DOCK3: variants seen among roughly 807,000 people sequenced by gnomAD.
The protein encoded by DOCK3 is dedicator of cytokinesis protein 3.
Under a neutral mutation model 265.6 loss-of-function variants are expected in DOCK3, and 60 were observed. That is an observed-to-expected ratio of 0.23 (90% CI 0.18 to 0.28). DOCK3 has a LOEUF of 0.28. Among genes scored for constraint, DOCK3 ranks in the 10% least tolerant of loss-of-function variants. The pLI is 1.00. For missense variants in DOCK3, 1,981 were observed against 2,594.3 expected (o/e 0.76, Z 5.14); for synonymous variants, 881 against 938.0 (o/e 0.94, Z 1.11).
chr3:50,977,730 G>A (rs1298261390), intron 5 of DOCK3, among the ~76,000 whole-genome samples: 1 of 152,070 alleles, frequency 6.6e-6, no homozygotes, highest in African/African-American at 2.4e-5. Flanking sequence ...AAAATATCCT[G>A]CAGAGTGTTT....
intron 5 of DOCK3, among the ~76,000 whole-genome samples, chr3:51,043,172 AC>A (rs2080608835): frequency 6.6e-6 from 1 of 152,320 alleles, no homozygotes; most frequent in Non-Finnish European, 1.5e-5. Context: ...GCATCACACT[AC>A]CTGACTCCAA....
At chr3:50,784,397 G>T (rs911885490) in intron 2 of DOCK3, among the ~76,000 whole-genome samples, 4 of 152,164 alleles carry the variant, frequency 2.6e-5, no homozygotes, top group Non-Finnish European at 5.9e-5. Flanking sequence ...GTACCATGCT[G>T]TTTTGGTGAC....
At chr3:51,208,720 C>A in intron 12 of DOCK3, 54 bp from the exon 13 acceptor site, 1 of 1,442,970 alleles carries the variant, frequency 6.9e-7, no homozygotes, top group Non-Finnish European at 9.6e-7. Context: ...ATTGGAACAT[C>A]AGACCAGTTG....
chr3:50,764,144 A>T (rs935747832), intron 1 of DOCK3, among the ~76,000 whole-genome samples: 7 of 151,682 alleles, frequency 4.6e-5, no homozygotes, highest in Admixed American at 2.0e-4. Context: ...TTCTTGATGG[A>T]TGGTTTCCTG....
At chr3:50,770,353 C>T (rs2041196551) in intron 1 of DOCK3, among the ~76,000 whole-genome samples, 1 of 150,972 alleles carries the variant, frequency 6.6e-6, no homozygotes, top group Admixed American at 6.6e-5. Flanking sequence ...ACAATAGTTA[C>T]ACATAAAATT....
intron 40 of DOCK3, 46 bp from the exon 41 acceptor site, chr3:51,354,836 G>T (rs1369735469): frequency 6.3e-7 from 1 of 1,591,946 alleles, no homozygotes. Flanking sequence ...GAGGTGGGGG[G>T]CTACAAGCAA....
chr3:51,211,688 A>G (rs370917631), intron 13 of DOCK3, among the ~76,000 whole-genome samples: 4 of 152,164 alleles, frequency 2.6e-5, no homozygotes, highest in African/African-American at 7.2e-5. Context: ...AAGGACATGA[A>G]CTCATCCTTT....
chr3:50,783,987 C>T (rs943922037), intron 2 of DOCK3, among the ~76,000 whole-genome samples: 1 of 151,834 alleles, frequency 6.6e-6, no homozygotes, highest in South Asian at 2.1e-4. Flanking sequence ...CCTGTCTCGA[C>T]CTCCCGAGTA....
At position 51,277,676 on chromosome 3, in the gene DOCK3, G is replaced by A. The variant is rs747148543; in HGVS notation, c.2745G>A (p.Leu915=). The change falls in exon 26 of 53, where the codon CTG becomes CTA. Residue 915 remains leucine (L), a synonymous_variant. Coordinates refer to ENST00000266037, the MANE Select transcript of DOCK3 (RefSeq NM_004947.5). ...TCCTGGACGTGCTCTTGCAGACTCT[G>A]CTCACCATCATGAGCAAATCGCACG... The part of the protein sequence containing the change: ...ESLLDVLLQT[L]LTIMSKSHAQ... 2.5e-6 allele frequency: 4 copies of A among 1,608,406 alleles called. No individual in the cohort carries two copies. The highest frequency in any genetic ancestry group is 1.1e-5 in the South Asian group (1 of 90,384).
intron 2 of DOCK3, among the ~76,000 whole-genome samples, chr3:50,833,010 G>A (rs1002931341): frequency 1.3e-5 from 2 of 152,154 alleles, no homozygotes; most frequent in African/African-American, 4.8e-5. Context: ...CCACAGTAAA[G>A]CAAAGTAAGT....
At chr3:50,810,095 A>C (rs1313491450) in intron 2 of DOCK3, among the ~76,000 whole-genome samples, 2 of 152,184 alleles carry the variant, frequency 1.3e-5, no homozygotes, top group African/African-American at 4.8e-5. Context: ...TGATTGTGCC[A>C]CTACACTTTA....
chr3:51,096,957 A>T (rs1432030435), intron 9 of DOCK3, among the ~76,000 whole-genome samples: 1 of 151,994 alleles, frequency 6.6e-6, no homozygotes, highest in African/African-American at 2.4e-5. Context: ...GCTGCAGAAC[A>T]GCAATGTTCC....
chr3:51,140,007 G>C (rs988000497), intron 9 of DOCK3, among the ~76,000 whole-genome samples: 34 of 152,214 alleles, frequency 2.2e-4, no homozygotes, highest in African/African-American at 8.0e-4. Context: ...TTTCACACAA[G>C]GCCATGCAGA....
At chr3:51,056,019 G>A (rs1236342259) in intron 5 of DOCK3, among the ~76,000 whole-genome samples, 1 of 152,064 alleles carries the variant, frequency 6.6e-6, no homozygotes. Context: ...CATATTGTAT[G>A]GATACTTCCT....
intron 40 of DOCK3, among the ~76,000 whole-genome samples, chr3:51,351,719 C>T (rs557859996): frequency 2.2e-4 from 32 of 146,262 alleles, no homozygotes; most frequent in African/African-American, 7.1e-4. Context: ...TACAATGGCA[C>T]GATCTTGGCT....
At position 51,041,173 on chromosome 3, in the gene DOCK3, TATATATATATATATATATATATA is replaced by T. The variant is rs2080473057; in HGVS notation, c.316-23274_316-23252del. Among the ~76,000 whole-genome samples, 5 of 10,910 alleles carry T rather than the reference TATATATATATATATATATATATA, an allele frequency of 4.6e-4. 1 individual carries two copies. The highest frequency in any genetic ancestry group is 1.4e-3 in the African/African-American group (5 of 3,676). 7.2% of individuals were successfully genotyped at this position (10,910 alleles called of 152,430 possible). A position where few individuals can be genotyped will look rare whatever the true frequency, so the allele number is the denominator to read the frequency against. On this transcript the variant is annotated intron_variant, in intron 5 of 52. Transcript: ENST00000266037. ...CAGCCTTACAAAATGTATATATATA[TATATATATATATATATATATATA>T]TATATATATTTTTTTTTTTTTTTTT...
chr3:50,882,799 T>C (rs1166625455), intron 3 of DOCK3, among the ~76,000 whole-genome samples: 2 of 152,216 alleles, frequency 1.3e-5, no homozygotes. Flanking sequence ...ATCATGCTGC[T>C]ATAAAGACAC....
intron 9 of DOCK3, among the ~76,000 whole-genome samples, chr3:51,139,539 T>A (rs1268080813): frequency 6.6e-6 from 1 of 152,222 alleles, no homozygotes; most frequent in Non-Finnish European, 1.5e-5. Context: ...TCCACCTTTT[T>A]TCATTCAATA....
intron 5 of DOCK3, among the ~76,000 whole-genome samples, chr3:51,026,176 G>C (rs2079808439): frequency 1.3e-5 from 2 of 152,186 alleles, no homozygotes; most frequent in East Asian, 1.9e-4. Flanking sequence ...ATGAGGGTTT[G>C]TATTATGAAG....
Sources: allele counts gnomAD v4.1 joint callset (sites outside exome capture counted in the v4.1 genomes callset), GRCh38; gene constraint gnomAD v4.1.1; transcripts MANE v1.5; gene names NCBI Gene and HGNC (gene_info 2026-07-23, HGNC 2026-07-21).